The following LRRC41 variants were observed in gnomAD, a reference collection of about 807,000 sequenced individuals.
The protein encoded by LRRC41 is leucine-rich repeat-containing protein 41.
In LRRC41, 17 loss-of-function variants were observed where a neutral mutation model predicts 72.1. That is an observed-to-expected ratio of 0.24 (90% CI 0.16 to 0.35). The LOEUF is 0.35. LRRC41 is among the 10% of genes least tolerant of loss of function. The probability of loss-of-function intolerance (pLI) is 1.00; values close to 1 mark genes in which losing one functional copy is unlikely to be tolerated. For synonymous variants in LRRC41, 427 were observed against 431.0 expected (o/e 0.99, Z 0.11); for missense variants, 759 against 1,065.0 (o/e 0.71, Z 4.00).
In LRRC41 at chr1:46,278,466, A is replaced by G; in HGVS notation, c.*399T>C. On this transcript the variant is annotated 3_prime_UTR_variant, in exon 10 of 10. Coordinates refer to ENST00000617190, the MANE Select transcript of LRRC41 (RefSeq NM_006369.5). ...GGTTAAAAAAAAGAATAAAGGTATG[A>G]AAGGGTTTGAGGCCTGAGAGCAGTG... is the stretch of plus-strand genomic sequence containing the variant. 11 of 771,122 alleles carry G rather than the reference A, an allele frequency of 1.4e-5. No individual in the cohort carries two copies. The South Asian group carries it at 1.9e-4, about 13-fold the overall frequency. 47.8% of individuals were successfully genotyped at this position (771,122 alleles called of 1,614,324 possible).
At chr1:46,287,247 T>C (rs1047736423) in intron 3 of LRRC41, among the ~76,000 whole-genome samples, 4 of 152,214 alleles carry the variant, frequency 2.6e-5, no homozygotes, top group Non-Finnish European at 1.5e-5. Context: ...TAGCTGGGAC[T>C]ACAGGCACCC....
At chr1:46,291,761 T>G (rs1374483388) in intron 3 of LRRC41, among the ~76,000 whole-genome samples, 1 of 151,258 alleles carries the variant, frequency 6.6e-6, no homozygotes, top group Non-Finnish European at 1.5e-5. Context: ...GGTTTCACCA[T>G]ATTGGCCAGG....
chr1:46,282,289 T>C (rs115453580), intron 4 of LRRC41, among the ~76,000 whole-genome samples: 2,053 of 152,176 alleles, frequency 0.013, 28 homozygotes, highest in Middle Eastern at 0.034. Flanking sequence ...CTTAAAAGAA[T>C]CAATGGGTGG....
chr1:46,289,598 T>C (rs1660962678), intron 3 of LRRC41, among the ~76,000 whole-genome samples: 1 of 151,826 alleles, frequency 6.6e-6, no homozygotes, highest in Non-Finnish European at 1.5e-5. Context: ...CTGTCTCTAC[T>C]AAAATACAAA....
rs142058773 is a variant in LRRC41 at position 46,278,167 on chromosome 1, C to T, written c.*698G>A. ...GACCTGGCAGGGTGGAACCACTGCA[C>T]TGATAAGTGGGGGCTCCGGGATGAG... On this transcript the variant is annotated 3_prime_UTR_variant, in exon 10 of 10. Transcript: ENST00000617190. 3 of 1,613,864 alleles carry T rather than the reference C, an allele frequency of 1.9e-6. No homozygotes were observed. Among genetic ancestry groups the T allele is most frequent in the Non-Finnish European group, 1.7e-6 (2 of 1,179,884 alleles).
chr1:46,291,072 G>A (rs1454325661), intron 3 of LRRC41, among the ~76,000 whole-genome samples: 2 of 150,390 alleles, frequency 1.3e-5, no homozygotes, highest in Admixed American at 6.7e-5. Flanking sequence ...TTACAGGCAC[G>A]TGCCACCACA....
intron 3 of LRRC41, among the ~76,000 whole-genome samples, chr1:46,289,449 T>C (rs1458407940): frequency 6.6e-6 from 1 of 151,214 alleles, no homozygotes; most frequent in Non-Finnish European, 1.5e-5. Flanking sequence ...ATCATGAAGT[T>C]TTATTCCATC....
At chr1:46,301,657 C>G (rs995187121) in intron 1 of LRRC41, among the ~76,000 whole-genome samples, 1 of 151,974 alleles carries the variant, frequency 6.6e-6, no homozygotes, top group Non-Finnish European at 1.5e-5. Context: ...TTTCCCCACA[C>G]CCCCTCCTCA....
chr1:46,303,313 G>C lies in LRRC41; in HGVS notation c.10C>G (p.Pro4Ala). MAA[P>A]EAWRARSCWF... ...CAACTCCGGGCGCGCCAGGCCTCGGGCGCCGCCATCTTGGGGAGGTGCGCG... is the reference window on the plus strand; with the variant it reads ...CAACTCCGGGCGCGCCAGGCCTCGGCCGCCGCCATCTTGGGGAGGTGCGCG... The change falls in exon 1 of 10, where the codon CCC becomes GCC. Residue 4 changes from proline to alanine, a missense_variant. Transcript: ENST00000617190. 1 of 1,527,454 alleles carries C rather than the reference G, an allele frequency of 6.5e-7. No homozygotes were observed. Among genetic ancestry groups the C allele is most frequent in the Non-Finnish European group, 8.8e-7 (1 of 1,139,248 alleles). The allele number at this position is 1,527,454 out of a possible 1,614,324, so 94.6% of individuals were successfully genotyped here. A position where few individuals can be genotyped will look rare whatever the true frequency, so the allele number is the denominator to read the frequency against.
rs975957151 is a variant in LRRC41, at chr1:46,302,659, C to T, written c.199+465G>A. The stretch of plus-strand genomic sequence containing the variant: ...TCAGGCAGATGCTGGAGCCCCGGGG[C>T]CATCAGTCAGGTTCGGTGGCCCCGG... On this transcript the variant is annotated intron_variant, in intron 1 of 9. Coordinates refer to ENST00000617190, the MANE Select transcript of LRRC41 (RefSeq NM_006369.5). This position sits in a 1 kb window ranked among gnomAD's most constrained non-coding sequence, Gnocchi z 4.7. 1 of 985,288 alleles carries T rather than the reference C, an allele frequency of 1.0e-6. No individual in the cohort carries two copies. The highest frequency in any genetic ancestry group is 6.1e-5 in the Admixed American group (1 of 16,268). 61.0% of individuals were successfully genotyped at this position (985,288 alleles called of 1,614,324 possible). A position where few individuals can be genotyped will look rare whatever the true frequency, so the allele number is the denominator to read the frequency against.
In LRRC41 at chr1:46,302,321, C is replaced by G. The variant is rs1157205316; in HGVS notation, c.199+803G>C. On this transcript the variant is annotated intron_variant, in intron 1 of 9. Coordinates refer to ENST00000617190, the MANE Select transcript of LRRC41 (RefSeq NM_006369.5). This position sits in a 1 kb window ranked among gnomAD's most constrained non-coding sequence, Gnocchi z 4.7. ...TCCCGCCTGTCCGTCATTCGAGCCT[C>G]CCTCGCTTGTTTAAGCCGCTCCGGG... 1.0e-5 allele frequency: 10 copies of G among 985,286 alleles called. No individual in the cohort carries two copies. The highest frequency in any genetic ancestry group is 1.2e-5 in the Non-Finnish European group (10 of 829,928). 61.0% of individuals were successfully genotyped at this position (985,286 alleles called of 1,614,324 possible). A position where few individuals can be genotyped will look rare whatever the true frequency, so the allele number is the denominator to read the frequency against.
chr1:46,284,987 C>A, intron 4 of LRRC41: 1 of 212,334 alleles, frequency 4.7e-6, no homozygotes, highest in South Asian at 1.0e-4. Context: ...CACACCTTGT[C>A]TGGACAGCTA....
chr1:46,297,518 A>G (rs1661148626), intron 3 of LRRC41, 45 bp downstream of exon 3: 1 of 1,487,040 alleles, frequency 6.7e-7, no homozygotes, highest in Admixed American at 1.7e-5. Flanking sequence ...TCCTGCTTTT[A>G]CCATGCAAAA....
Position 46,280,569 on chromosome 1 carries a change from G to T in LRRC41, c.1757-9C>A, listed in dbSNP as rs778049816. 6.2e-7 allele frequency: 1 copy of T among 1,612,564 alleles called. No individual in the cohort carries two copies. The highest frequency in any genetic ancestry group is 8.5e-7 in the Non-Finnish European group (1 of 1,179,510). The stretch of plus-strand genomic sequence containing the variant: ...CTGCTCCAGGCAGTTTTCTGGATAT[G>T]GTGGGGAAAGAAGATTCCAGCTGGC... On this transcript the variant is annotated splice_polypyrimidine_tract_variant and intron_variant, in intron 5 of 9. Coordinates refer to ENST00000617190, the MANE Select transcript of LRRC41 (RefSeq NM_006369.5).
Position 46,285,603 on chromosome 1 carries a change from A to G in LRRC41, c.1254T>C (p.Phe418=). 1 of 1,613,860 alleles carries G rather than the reference A, an allele frequency of 6.2e-7. No individual in the cohort carries two copies. The stretch of plus-strand genomic sequence containing the variant: ...CATCCTCCTTCTCGCCAGCCACAAT[A>G]AAAACGAAGTCATACAGGTCTTCAG... ...AESEDLYDFV[F]IVAGEKEDGE... Residue 418 remains phenylalanine (F), a synonymous_variant, in exon 4 of 10, where the codon TTT becomes TTC. Coordinates refer to ENST00000617190, the MANE Select transcript of LRRC41 (RefSeq NM_006369.5). The surrounding 1 kb of genome is among the most constrained non-coding windows in gnomAD (Gnocchi z 5.3).
intron 3 of LRRC41, among the ~76,000 whole-genome samples, chr1:46,295,546 C>T (rs1183905569): frequency 1.3e-5 from 2 of 152,114 alleles, no homozygotes; most frequent in Non-Finnish European, 2.9e-5. Flanking sequence ...AAGTGGGAAG[C>T]GGAAAGACAC....
Position 46,279,653 on chromosome 1 carries a change from T to C in LRRC41, c.2021-39A>G. ...TTATAGTAAATTCTGATGGCTGCAT[T>C]AGGACTGGTGCTGCCCCTCCTGCCC... On this transcript the variant is annotated intron_variant, in intron 7 of 9. Coordinates refer to ENST00000617190, the MANE Select transcript of LRRC41 (RefSeq NM_006369.5). The surrounding 1 kb of genome is among the most constrained non-coding windows in gnomAD (Gnocchi z 4.5). 6.2e-7 allele frequency: 1 copy of C among 1,613,224 alleles called. No homozygotes were observed. The highest frequency in any genetic ancestry group is 1.7e-4 in the Middle Eastern group (1 of 6,056).
At chr1:46,288,814 G>A (rs4660919) in intron 3 of LRRC41, among the ~76,000 whole-genome samples, 96,755 of 152,078 alleles carry the variant, frequency 0.64, 32,498 homozygotes, top group East Asian at 0.79. Context: ...GACATTAAGA[G>A]CAGGAAAAAC....
chr1:46,302,058 C>T lies in LRRC41; in HGVS notation c.199+1066G>A, dbSNP rs1661243618. 1 of 985,284 alleles carries T rather than the reference C, an allele frequency of 1.0e-6. No individual in the cohort carries two copies. Among genetic ancestry groups the T allele is most frequent in the Non-Finnish European group, 1.2e-6 (1 of 829,922 alleles). The allele number at this position is 985,284 out of a possible 1,614,324, so 61.0% of individuals were successfully genotyped here. On this transcript the variant is annotated intron_variant, in intron 1 of 9. Transcript: ENST00000617190. The surrounding 1 kb of genome is among the most constrained non-coding windows in gnomAD (Gnocchi z 4.7). ...CCAGGCCGCGGCCAGCGGTCCCCAA[C>T]CCACAGCCCCGCCTCCCAGCCCAAC...
Sources: gnomAD v4.1 joint callset for allele counts (sites outside exome capture counted in the v4.1 genomes callset) on GRCh38, gnomAD v4.1.1 for gene constraint, Gnocchi (gnomAD v3.1) non-coding constraint, MANE v1.5 for transcripts, NCBI Gene and HGNC (gene_info 2026-07-23, HGNC 2026-07-21) for gene names.